The following ABCC4 variants were observed in gnomAD, a reference collection of about 807,000 sequenced individuals.
The protein encoded by ABCC4 is ATP-binding cassette sub-family C member 4.
In ABCC4, 102 loss-of-function variants were observed where a neutral mutation model predicts 168.5. The ratio of observed to expected loss-of-function variants is 0.61; its 90% CI spans 0.52 to 0.71. ABCC4 has a LOEUF of 0.71. Among genes scored for constraint, ABCC4 ranks in the 30% least tolerant of loss-of-function variants. The pLI is 0.00. For synonymous variants in ABCC4, 617 were observed against 590.7 expected (o/e 1.04, Z -0.65); for missense variants, 1,402 against 1,605.8 (o/e 0.87, Z 2.17).
At chr13:95,025,166 T>TAC (rs201832566) in intron 30 of ABCC4, among the ~76,000 whole-genome samples, 4 of 131,908 alleles carry the variant, frequency 3.0e-5, no homozygotes, top group Admixed American at 2.3e-4. Flanking sequence ...CAATTTCACA[T>TAC]ACACACACAC....
chr13:95,197,876 G>A (rs745762989), intron 8 of ABCC4, among the ~76,000 whole-genome samples: 19 of 152,024 alleles, frequency 1.2e-4, no homozygotes, highest in Non-Finnish European at 2.1e-4. Context: ...AAAACAGACG[G>A]AACTTCTTAG....
At chr13:95,137,089 T>C (rs2036166264) in intron 19 of ABCC4, among the ~76,000 whole-genome samples, 1 of 152,236 alleles carries the variant, frequency 6.6e-6, no homozygotes, top group African/African-American at 2.4e-5. Context: ...TTCACACACC[T>C]ATCTGCTCTG....
intron 22 of ABCC4, 81 bp downstream of exon 22, chr13:95,075,351 C>T (rs2139315661): frequency 1.3e-6 from 2 of 1,581,250 alleles, no homozygotes. Flanking sequence ...TGCCTGCCAA[C>T]AAGCTCATCT....
At chr13:95,254,772 G>A (rs965929660) in intron 1 of ABCC4, among the ~76,000 whole-genome samples, 4 of 151,410 alleles carry the variant, frequency 2.6e-5, no homozygotes, top group African/African-American at 9.7e-5. Flanking sequence ...TTTCTACTCA[G>A]CACCTGTCAA....
At chr13:95,275,648 A>G (rs2040954146) in intron 1 of ABCC4, among the ~76,000 whole-genome samples, 1 of 151,384 alleles carries the variant, frequency 6.6e-6, no homozygotes, top group East Asian at 1.9e-4. Flanking sequence ...TCTCAGCAGC[A>G]CTCTAATGAG....
At chr13:95,227,709 A>G (rs1477292468) in intron 4 of ABCC4, among the ~76,000 whole-genome samples, 2 of 152,124 alleles carry the variant, frequency 1.3e-5, no homozygotes, top group African/African-American at 4.8e-5. Context: ...AGTTGAATAT[A>G]TGTAATTTCT....
At chr13:95,185,228 T>A (rs2038020285) in intron 11 of ABCC4, among the ~76,000 whole-genome samples, 1 of 152,156 alleles carries the variant, frequency 6.6e-6, no homozygotes, top group Non-Finnish European at 1.5e-5. Context: ...GCTTTGTGTG[T>A]GCATATGTGT....
intron 4 of ABCC4, among the ~76,000 whole-genome samples, chr13:95,213,118 T>C (rs7322825): frequency 0.75 from 111,864 of 150,096 alleles, 42,495 homozygotes; most frequent in Non-Finnish European, 0.84. Flanking sequence ...CTGAGCAAGA[T>C]TCCATCTTAA....
In ABCC4 at chr13:95,244,596, T is replaced by TGAAAGAAAGAAAGAAAGAAAGAAAAA; in HGVS notation, c.306+2378_306+2379insTTTTTCTTTCTTTCTTTCTTTCTTTC. 5.7e-5 allele frequency among the ~76,000 whole-genome samples: 2 copies of TGAAAGAAAGAAAGAAAGAAAGAAAAA among 34,990 alleles called. 1 individual carries two copies. The highest frequency in any genetic ancestry group is 3.5e-4 in the African/African-American group (2 of 5,788). The allele number at this position is 34,990 out of a possible 152,430, so 23.0% of individuals were successfully genotyped here. A position where few individuals can be genotyped will look rare whatever the true frequency, so the allele number is the denominator to read the frequency against. ...AAAAACAAAATAAAATAAAATAACA[T>TGAAAGAAAGAAAGAAAGAAAGAAAAA]GAAAGAAAGAAAGAAAGAAAGAAAG... On this transcript the variant is annotated intron_variant, in intron 3 of 30. Transcript: ENST00000645237.
At chr13:95,118,831 G>C (rs534840473) in intron 19 of ABCC4, among the ~76,000 whole-genome samples, 111 of 152,304 alleles carry the variant, frequency 7.3e-4, no homozygotes, top group African/African-American at 2.6e-3. Context: ...TGCCTTCCGG[G>C]AACATCCAAT....
At chr13:95,156,372 T>C (rs2036854556) in intron 19 of ABCC4, among the ~76,000 whole-genome samples, 1 of 152,244 alleles carries the variant, frequency 6.6e-6, no homozygotes, top group African/African-American at 2.4e-5. Context: ...TCTTACATTA[T>C]ATCACTGAAA....
intron 9 of ABCC4, 103 bp downstream of exon 9, chr13:95,194,733 G>T: frequency 3.6e-6 from 3 of 828,014 alleles, no homozygotes; most frequent in Non-Finnish European, 5.5e-6. Context: ...CAGTAAATAA[G>T]CAAGCCATAT....
intron 3 of ABCC4, among the ~76,000 whole-genome samples, chr13:95,244,498 T>C (rs745998718): frequency 8.0e-5 from 12 of 150,094 alleles, no homozygotes; most frequent in Admixed American, 3.3e-4. Context: ...TTGAGCCCAG[T>C]AGGCCAAAGC....
At chr13:95,190,537 C>T (rs1371651071) in intron 9 of ABCC4, among the ~76,000 whole-genome samples, 1 of 152,120 alleles carries the variant, frequency 6.6e-6, no homozygotes, top group African/African-American at 2.4e-5. Context: ...CATACAAGGA[C>T]AATCAGTACT....
At chr13:95,085,028 G>A (rs537211254) in intron 20 of ABCC4, among the ~76,000 whole-genome samples, 1 of 152,222 alleles carries the variant, frequency 6.6e-6, no homozygotes, top group African/African-American at 2.4e-5. Flanking sequence ...TGCTTCTTGA[G>A]AAGGATAGAA....
intron 4 of ABCC4, among the ~76,000 whole-genome samples, chr13:95,229,077 T>G (rs7335233): frequency 0.76 from 115,905 of 151,966 alleles, 44,691 homozygotes; most frequent in Non-Finnish European, 0.84. Context: ...ACAGGGAATA[T>G]GCATTTCCCC....
At chr13:95,230,957 G>A (rs1445939233) in intron 4 of ABCC4, among the ~76,000 whole-genome samples, 1 of 152,134 alleles carries the variant, frequency 6.6e-6, no homozygotes, top group Non-Finnish European at 1.5e-5. Context: ...TCTTTCAAAG[G>A]AATTAAAATC....
intron 20 of ABCC4, among the ~76,000 whole-genome samples, chr13:95,113,041 T>C (rs901047170): frequency 6.6e-6 from 1 of 152,240 alleles, no homozygotes; most frequent in South Asian, 2.1e-4. Flanking sequence ...CCATTTCAGA[T>C]GCCCATGCAA....
intron 1 of ABCC4, 21 bp from the exon 2 acceptor site, chr13:95,247,774 A>G: frequency 6.3e-7 from 1 of 1,586,578 alleles, no homozygotes; most frequent in African/African-American, 1.3e-5. Context: ...GAGAAAAGAG[A>G]CATATATCCA....
Sources: gnomAD v4.1 joint callset for allele counts (sites outside exome capture counted in the v4.1 genomes callset) on GRCh38, gnomAD v4.1.1 for gene constraint, MANE v1.5 for transcripts, NCBI Gene and HGNC (gene_info 2026-07-23, HGNC 2026-07-21) for gene names.